Variants in SERGEF observed in about 807,000 individuals in gnomAD.
The protein encoded by SERGEF is secretion-regulating guanine nucleotide exchange factor.
In SERGEF, 51 loss-of-function variants were observed where a neutral mutation model predicts 50.0. The observed-to-expected ratio is 1.02, with a 90% CI of 0.81 to 1.29. The LOEUF (loss-of-function observed/expected upper bound fraction) is 1.29. Among genes scored for constraint, SERGEF ranks in the 50% most tolerant of loss-of-function variants. The pLI is 0.00. For missense variants in SERGEF, 521 were observed against 557.0 expected, an observed-to-expected ratio of 0.94 and a Z score of 0.65; for synonymous variants, 205 against 212.4, an observed-to-expected ratio of 0.97 and a Z score of 0.30.
At chr11:17,844,214 T>C (rs933203145) in intron 10 of SERGEF, among the ~76,000 whole-genome samples, 1 of 152,212 alleles carries the variant, frequency 6.6e-6, no homozygotes, top group African/African-American at 2.4e-5. Flanking sequence ...CCTTTAGTCA[T>C]TTTTTAAAAA....
intron 10 of SERGEF, among the ~76,000 whole-genome samples, chr11:17,815,436 TAAA>T (rs763972184): frequency 3.7e-5 from 4 of 108,366 alleles, no homozygotes; most frequent in African/African-American, 3.6e-5. Context: ...CCATCTCTAC[TAAA>T]AAAAAAAAAA....
intron 10 of SERGEF, among the ~76,000 whole-genome samples, chr11:17,808,461 G>T (rs948863308): frequency 6.6e-6 from 1 of 152,108 alleles, no homozygotes; most frequent in African/African-American, 2.4e-5. Flanking sequence ...AATCACACAT[G>T]AACTCAGAAA....
intron 10 of SERGEF, among the ~76,000 whole-genome samples, chr11:17,865,221 T>C (rs1268261011): frequency 1.3e-5 from 2 of 152,228 alleles, no homozygotes; most frequent in African/African-American, 2.4e-5. Flanking sequence ...ATGTTTGTGA[T>C]GATGCTGGTG....
rs553443038 is a variant in SERGEF, at chr11:17,812,572, AG to A, written c.1049-24160del. Reference sequence around the variant, plus strand: ...GGCACAGGGGCCAAGCAGGAAGAGTAGGGCAGGGATCACTTTTCTCCATTCT... The same window carrying A: ...GGCACAGGGGCCAAGCAGGAAGAGTAGGCAGGGATCACTTTTCTCCATTCT... On this transcript the variant is annotated intron_variant, in intron 10 of 10. Coordinates refer to ENST00000265965, the MANE Select transcript of SERGEF (RefSeq NM_012139.4). 4.2e-3 allele frequency among the ~76,000 whole-genome samples: 646 copies of A among 152,304 alleles called. 13 individuals are homozygous for A. Among genetic ancestry groups the A allele is most frequent in the Non-Finnish European group, 1.2e-3 (80 of 68,012 alleles).
At chr11:17,993,974 C>T (rs1385013780) in intron 6 of SERGEF, among the ~76,000 whole-genome samples, 1 of 152,154 alleles carries the variant, frequency 6.6e-6, no homozygotes, top group African/African-American at 2.4e-5. Flanking sequence ...CAAACAGATG[C>T]CAAACAGGTT....
At chr11:17,819,339 G>A (rs997490717) in intron 10 of SERGEF, among the ~76,000 whole-genome samples, 1 of 152,216 alleles carries the variant, frequency 6.6e-6, no homozygotes, top group African/African-American at 2.4e-5. Flanking sequence ...AGAACCTCCA[G>A]TTTGGAAACA....
At chr11:17,810,413 C>T (rs1394181077) in intron 10 of SERGEF, among the ~76,000 whole-genome samples, 1 of 152,174 alleles carries the variant, frequency 6.6e-6, no homozygotes, top group Admixed American at 6.5e-5. Flanking sequence ...CTCAAGTCCT[C>T]CTTCCTCTAA....
chr11:18,006,793 C>G, intron 2 of SERGEF, 47 bp from the exon 3 acceptor site: 2 of 1,588,668 alleles, frequency 1.3e-6, no homozygotes, highest in Non-Finnish European at 1.7e-6. Flanking sequence ...GGAAAAAACA[C>G]AACTGCAAAA....
chr11:17,863,018 C>G (rs977832431), intron 10 of SERGEF, among the ~76,000 whole-genome samples: 3 of 152,176 alleles, frequency 2.0e-5, no homozygotes, highest in African/African-American at 7.2e-5. Context: ...TGCTAATTAA[C>G]CTAAGTCAAA....
At chr11:17,917,776 G>A (rs1852076839) in intron 9 of SERGEF, among the ~76,000 whole-genome samples, 1 of 152,112 alleles carries the variant, frequency 6.6e-6, no homozygotes, top group African/African-American at 2.4e-5. Context: ...AGGAATGCTG[G>A]AAATGCAGAA....
chr11:17,963,181 C>CTAA (rs1853045831), intron 8 of SERGEF, among the ~76,000 whole-genome samples: 2 of 16,496 alleles, frequency 1.2e-4, no homozygotes, highest in African/African-American at 2.3e-4. Context: ...GACTCTGTTT[C>CTAA]AAAAAAAAAA....
At chr11:17,792,614 C>A (rs1370485347) in intron 10 of SERGEF, among the ~76,000 whole-genome samples, 1 of 152,214 alleles carries the variant, frequency 6.6e-6, no homozygotes, top group African/African-American at 2.4e-5. Flanking sequence ...CCAGTAATAT[C>A]CCCCCGCAGT....
At chr11:17,998,062 A>T (rs1281606971) in intron 5 of SERGEF, among the ~76,000 whole-genome samples, 1 of 152,146 alleles carries the variant, frequency 6.6e-6, no homozygotes, top group African/African-American at 2.4e-5. Context: ...GAAAAAAATA[A>T]TTTTTTAAAA....
Position 18,011,137 on chromosome 11 carries a change from TACACACACAC to T in SERGEF, c.60+1804_60+1813del, listed in dbSNP as rs57370560. Among the ~76,000 whole-genome samples the T allele has an allele frequency of 3.5e-3, 519 of 147,732 alleles. 7 individuals are homozygous for T. Among genetic ancestry groups the T allele is most frequent in the African/African-American group, 0.012 (498 of 40,336 alleles). The stretch of plus-strand genomic sequence containing the variant: ...CATATCACACGTGCACATGCACACA[TACACACACAC>T]ACACACACACACACACACACCCCTA... On this transcript the variant is annotated intron_variant, in intron 1 of 10. Transcript: ENST00000265965.
At chr11:17,981,510 C>T (rs1383314454) in intron 8 of SERGEF, among the ~76,000 whole-genome samples, 3 of 152,170 alleles carry the variant, frequency 2.0e-5, no homozygotes, top group African/African-American at 7.2e-5. Flanking sequence ...TGAAACAGGG[C>T]AATGCCATTA....
At chr11:17,981,950 A>G (rs1853503847) in intron 8 of SERGEF, among the ~76,000 whole-genome samples, 1 of 151,914 alleles carries the variant, frequency 6.6e-6, no homozygotes, top group Non-Finnish European at 1.5e-5. Flanking sequence ...ACAGGCACGC[A>G]CCACCACACC....
At position 18,007,234 on chromosome 11, in the gene SERGEF, C is replaced by T. The variant is rs1374205897; in HGVS notation, c.197-488G>A. On this transcript the variant is annotated intron_variant, in intron 2 of 10. Coordinates refer to ENST00000265965, the MANE Select transcript of SERGEF (RefSeq NM_012139.4). ...GATTCTATTAATATCCATCTTTATACCAACACAGTTGTAAAATATAATTTT... is the reference window on the plus strand; with the variant it reads ...GATTCTATTAATATCCATCTTTATATCAACACAGTTGTAAAATATAATTTT... Among the ~76,000 whole-genome samples the T allele has an allele frequency of 2.6e-5, 4 of 152,104 alleles. No individual in the cohort carries two copies. The East Asian group carries it at 7.8e-4, about 30-fold the overall frequency.
intron 9 of SERGEF, among the ~76,000 whole-genome samples, chr11:17,948,870 AC>A (rs1309201377): frequency 6.6e-6 from 1 of 152,198 alleles, no homozygotes; most frequent in Non-Finnish European, 1.5e-5. Flanking sequence ...CATTTCTGCT[AC>A]CCATAGCCAG....
chr11:17,839,484 T>G (rs1417375557), intron 10 of SERGEF, among the ~76,000 whole-genome samples: 1 of 152,106 alleles, frequency 6.6e-6, no homozygotes, highest in Non-Finnish European at 1.5e-5. Flanking sequence ...CTGAAAGGAT[T>G]TCTCTGTAAC....
Sources: allele counts gnomAD v4.1 joint callset (sites outside exome capture counted in the v4.1 genomes callset), GRCh38; gene constraint gnomAD v4.1.1; transcripts MANE v1.5; gene names NCBI Gene and HGNC (gene_info 2026-07-23, HGNC 2026-07-21).